Variants in TSC22D1 observed in about 807,000 individuals in gnomAD.
TSC22D1 encodes the protein TSC22 domain family member 1.
A neutral mutation model predicts 74.2 loss-of-function variants in TSC22D1; 9 were observed. The observed-to-expected ratio is 0.12, with a 90% CI of 0.07 to 0.21. The LOEUF is 0.21. Among genes scored for constraint, TSC22D1 ranks in the 10% least tolerant of loss-of-function variants. The pLI, the probability that TSC22D1 is intolerant of heterozygous loss-of-function variation, is 1.00. For synonymous variants in TSC22D1, 586 were observed against 492.5 expected (o/e 1.19, Z -2.51); for missense variants, 1,427 against 1,304.7 (o/e 1.09, Z -1.44).
Position 44,574,634 on chromosome 13 carries a change from T to A in TSC22D1, c.1441A>T (p.Thr481Ser). The A allele has an allele frequency of 6.2e-7, 1 of 1,614,068 alleles. No homozygotes were observed. Among genetic ancestry groups the A allele is most frequent in the South Asian group, 1.1e-5 (1 of 91,076 alleles). The change falls in exon 1 of 3, where the codon ACA becomes TCA. Residue 481 changes from threonine (T) to serine (S), a missense_variant. By Grantham distance (58) the Thr-to-Ser change is moderately conservative. Coordinates refer to ENST00000458659, the MANE Select transcript of TSC22D1 (RefSeq NM_183422.4). ...ATCTCTCCACTTCCCACACTCTCTG[T>A]ATAGTGACTCAGTGTGCTGACACTA... is the stretch of plus-strand genomic sequence containing the variant. Reference protein sequence around the residue: ...SSSVSTLSHYTESVGSGEMGA... With the variant: ...SSSVSTLSHYSESVGSGEMGA...
chr13:44,434,334 G>A lies in TSC22D1; in HGVS notation c.*292C>T. On this transcript the variant is annotated 3_prime_UTR_variant, in exon 3 of 3. Transcript: ENST00000458659. ...GCCGGAAGGGATGGAAAGGCACACA[G>A]CTCCTGAGCATGAATTAAACCATTT... is the stretch of plus-strand genomic sequence containing the variant. 1 of 1,378,094 alleles carries A rather than the reference G, an allele frequency of 7.3e-7. No individual in the cohort carries two copies. Among genetic ancestry groups the A allele is most frequent in the Middle Eastern group, 2.7e-4 (1 of 3,762 alleles). The allele number at this position is 1,378,094 out of a possible 1,614,324, so 85.4% of individuals were successfully genotyped here. A position where few individuals can be genotyped will look rare whatever the true frequency, so the allele number is the denominator to read the frequency against.
chr13:44,535,596 A>G (rs965920777), intron 1 of TSC22D1, among the ~76,000 whole-genome samples: 3 of 151,764 alleles, frequency 2.0e-5, no homozygotes, highest in African/African-American at 7.3e-5. Flanking sequence ...ACTGCTTGTC[A>G]TGTTTTTTTA....
chr13:44,500,524 T>C (rs888847564), intron 1 of TSC22D1, among the ~76,000 whole-genome samples: 2 of 152,246 alleles, frequency 1.3e-5, no homozygotes, highest in African/African-American at 4.8e-5. Flanking sequence ...AAATAAATAA[T>C]GTCACTGCCT....
In TSC22D1 at chr13:44,572,612, T is replaced by C. The variant is rs187975301; in HGVS notation, c.2912+551A>G. 5.7e-3 allele frequency among the ~76,000 whole-genome samples: 862 copies of C among 152,324 alleles called. 4 individuals carry two copies. The highest frequency in any genetic ancestry group is 8.2e-3 in the Non-Finnish European group (560 of 68,018). On this transcript the variant is annotated intron_variant, in intron 1 of 2. Transcript: ENST00000458659. ...TCAGATAAAATGACCATTAAATAAG[T>C]ACGCAAAAGTTGGTCAGTTGGAGTA...
intron 1 of TSC22D1, among the ~76,000 whole-genome samples, chr13:44,551,387 TGG>T (rs1223754453): frequency 1.2e-5 from 1 of 85,196 alleles, no homozygotes; most frequent in Admixed American, 1.1e-4. Context: ...CCCAATCAGA[TGG>T]GTGTGTGTGT....
rs552894376 is a variant in TSC22D1, at chr13:44,519,051, C to A, written c.2912+54112G>T. On this transcript the variant is annotated intron_variant, in intron 1 of 2. Coordinates refer to ENST00000458659, the MANE Select transcript of TSC22D1 (RefSeq NM_183422.4). Reference sequence around the variant, plus strand: ...TTCTTAAGGTGTTAGAATCTAGAACCGGTCTAAATTTTTTTTCTTCAATAG... The same window carrying A: ...TTCTTAAGGTGTTAGAATCTAGAACAGGTCTAAATTTTTTTTCTTCAATAG... Among the ~76,000 whole-genome samples, 22 of 152,182 alleles carry A rather than the reference C, an allele frequency of 1.4e-4. No homozygotes were observed. In the South Asian group the frequency reaches 3.7e-3, roughly 26 times the overall value.
intron 1 of TSC22D1, among the ~76,000 whole-genome samples, chr13:44,506,512 A>C (rs893278038): frequency 6.6e-5 from 10 of 152,170 alleles, no homozygotes; most frequent in African/African-American, 2.2e-4. Flanking sequence ...CATCAGGAAG[A>C]ATAGCTAATG....
At chr13:44,516,156 G>A (rs187741874) in intron 1 of TSC22D1, among the ~76,000 whole-genome samples, 5 of 152,144 alleles carry the variant, frequency 3.3e-5, no homozygotes, top group African/African-American at 9.6e-5. Flanking sequence ...CAGTATCCCC[G>A]GAATAATACA....
intron 1 of TSC22D1, among the ~76,000 whole-genome samples, chr13:44,506,653 A>G (rs1052718429): frequency 6.6e-6 from 1 of 152,204 alleles, no homozygotes; most frequent in Non-Finnish European, 1.5e-5. Flanking sequence ...AAATAAATAA[A>G]AAGTATATGT....
chr13:44,565,981 T>G (rs182382522), intron 1 of TSC22D1, among the ~76,000 whole-genome samples: 146 of 152,234 alleles, frequency 9.6e-4, no homozygotes, highest in African/African-American at 3.3e-3. Flanking sequence ...AAAAAATAAA[T>G]AAATAAAACA....
At chr13:44,521,258 C>T (rs1880301635) in intron 1 of TSC22D1, among the ~76,000 whole-genome samples, 2 of 152,166 alleles carry the variant, frequency 1.3e-5, no homozygotes, top group South Asian at 2.1e-4. Context: ...TTACTTTTAG[C>T]TAAGAAACCT....
At chr13:44,532,140 G>C (rs1880872130) in intron 1 of TSC22D1, among the ~76,000 whole-genome samples, 1 of 152,112 alleles carries the variant, frequency 6.6e-6, no homozygotes, top group Non-Finnish European at 1.5e-5. Flanking sequence ...CTGTACTTTT[G>C]TATTTATGAT....
At chr13:44,539,438 C>T (rs1200679532) in intron 1 of TSC22D1, 1 of 985,128 alleles carries the variant, frequency 1.0e-6, no homozygotes, top group Non-Finnish European at 1.2e-6. Flanking sequence ...TTTTAAATTA[C>T]TTGAATATAA....
At chr13:44,554,198 C>T (rs2138164724) in intron 1 of TSC22D1, among the ~76,000 whole-genome samples, 1 of 152,274 alleles carries the variant, frequency 6.6e-6, no homozygotes, top group East Asian at 1.9e-4. Context: ...GTAGCTATTA[C>T]CTGCACATAA....
chr13:44,553,755 G>C (rs1308677986), intron 1 of TSC22D1, among the ~76,000 whole-genome samples: 1 of 152,182 alleles, frequency 6.6e-6, no homozygotes, highest in Non-Finnish European at 1.5e-5. Context: ...GAATTTCAAA[G>C]AACTGCTCAA....
At chr13:44,537,457 T>C in intron 1 of TSC22D1, 1 of 985,138 alleles carries the variant, frequency 1.0e-6, no homozygotes, top group South Asian at 4.7e-5. Context: ...ACTTTTCATC[T>C]TCAAAGCTGA....
At position 44,432,216 on chromosome 13, in the gene TSC22D1, A is replaced by AT. The variant is rs1196927966; in HGVS notation, c.*2409dup. ...GCTGCCAAAATTTCATGAGTCTCAC[A>AT]TTTTTAATAAAAAGACCCAAAGTTC... On this transcript the variant is annotated 3_prime_UTR_variant, in exon 3 of 3. Transcript: ENST00000458659. The AT allele has an allele frequency of 6.6e-6, 1 of 152,278 alleles. No homozygotes were observed. The highest frequency in any genetic ancestry group is 2.4e-5 in the African/African-American group (1 of 41,554). 9.4% of individuals were successfully genotyped at this position (152,278 alleles called of 1,614,324 possible). A position where few individuals can be genotyped will look rare whatever the true frequency, so the allele number is the denominator to read the frequency against.
intron 1 of TSC22D1, among the ~76,000 whole-genome samples, chr13:44,484,622 T>C (rs1221816460): frequency 6.6e-6 from 1 of 152,316 alleles, no homozygotes; most frequent in East Asian, 1.9e-4. Context: ...CTAATATTCA[T>C]GATAAACATA....
intron 1 of TSC22D1, among the ~76,000 whole-genome samples, chr13:44,560,950 T>C (rs532894242): frequency 1.3e-5 from 2 of 152,306 alleles, no homozygotes; most frequent in East Asian, 3.9e-4. Context: ...TCCCATTTCT[T>C]TTCCCTCCCT....
Sources: gnomAD v4.1 joint callset for allele counts (sites outside exome capture counted in the v4.1 genomes callset) on GRCh38, gnomAD v4.1.1 for gene constraint, MANE v1.5 for transcripts, NCBI Gene and HGNC (gene_info 2026-07-23, HGNC 2026-07-21) for gene names.